NDUFB10: variants seen among roughly 807,000 people sequenced by gnomAD.
NDUFB10 encodes the protein NADH:ubiquinone oxidoreductase subunit B10, also known as NADH dehydrogenase [ubiquinone] 1 beta subcomplex subunit 10.
NDUFB10 carries 23 observed loss-of-function variants against 19.0 expected under a neutral mutation model. The ratio of observed to expected loss-of-function variants is 1.21; its 90% CI spans 0.87 to 1.71. NDUFB10 has a LOEUF of 1.71. NDUFB10 is among the 40% of genes most tolerant of loss of function. NDUFB10 has a pLI of 0.00. For synonymous variants in NDUFB10, 104 were observed against 81.8 expected (o/e 1.27, Z -1.46); for missense variants, 312 against 230.6 (o/e 1.35, Z -2.29).
chr16:1,961,242 G>A lies in NDUFB10; in HGVS notation c.220G>A (p.Glu74Lys), dbSNP rs911259998. ...RVPDITECKEEDIMCMYEAEM... is the reference protein window; with the variant it reads ...RVPDITECKEKDIMCMYEAEM... Reference sequence around the variant, plus strand: ...GCCAGACATCACTGAGTGCAAGGAGGAGGACATCATGTGCATGTATGAAGC... The same window carrying A: ...GCCAGACATCACTGAGTGCAAGGAGAAGGACATCATGTGCATGTATGAAGC... The change falls in exon 2 of 4, where the codon GAG (glutamate) becomes AAG (lysine). Residue 74 changes from glutamate to lysine, a missense_variant. By Grantham distance (56) the Glu-to-Lys change is moderately conservative. Transcript: ENST00000268668. 1 of 1,614,098 alleles carries A rather than the reference G, an allele frequency of 6.2e-7. No homozygotes were observed. Among genetic ancestry groups the A allele is most frequent in the Non-Finnish European group, 8.5e-7 (1 of 1,180,030 alleles).
At chr16:1,961,768 T>A in intron 3 of NDUFB10, 29 bp from the exon 4 acceptor site, 1 of 1,547,008 alleles carries the variant, frequency 6.5e-7, no homozygotes. Flanking sequence ...GAGGCCTCGG[T>A]TCCCAGCTTG....
rs1344403884 is a variant in NDUFB10, at chr16:1,961,183, G to A, written c.161G>A (p.Arg54Lys). The stretch of plus-strand genomic sequence containing the variant: ...ATAGAGCGGCAGCACGCAAAGAACA[G>A]GTATTACTACTACCACCGGCAGTAC... ...EFIERQHAKN[R>K]YYYYHRQYRR... The change falls in exon 2 of 4, where the codon AGG becomes AAG. Residue 54 changes from arginine (R) to lysine (K), a missense_variant. Physicochemically the swap from Arg to Lys is conservative, Grantham distance 26. Coordinates refer to ENST00000268668, the MANE Select transcript of NDUFB10 (RefSeq NM_004548.3). 6.2e-7 allele frequency: 1 copy of A among 1,614,018 alleles called. No homozygotes were observed. The highest frequency in any genetic ancestry group is 1.3e-5 in the African/African-American group (1 of 74,938).
chr16:1,960,532 T>C (rs1048432790), intron 1 of NDUFB10, among the ~76,000 whole-genome samples: 1 of 152,238 alleles, frequency 6.6e-6, no homozygotes, highest in African/African-American at 2.4e-5. Context: ...GGTTCAGTTC[T>C]TTTTGAACAC....
In NDUFB10 at chr16:1,959,556, C is replaced by T. The variant is rs1295652156; in HGVS notation, c.-69C>T. On this transcript the variant is annotated 5_prime_UTR_variant, in exon 1 of 4. Transcript: ENST00000268668. Reference sequence around the variant, plus strand: ...GTCCTCTGTAGCGGGCGACCTAGGCCGCGGGACCCGGACGGAGGTAGAGGC... The same window carrying T: ...GTCCTCTGTAGCGGGCGACCTAGGCTGCGGGACCCGGACGGAGGTAGAGGC... 1.1e-5 allele frequency: 17 copies of T among 1,516,826 alleles called. No individual in the cohort carries two copies. Among genetic ancestry groups the T allele is most frequent in the Non-Finnish European group, 1.4e-5 (16 of 1,128,702 alleles). The allele number at this position is 1,516,826 out of a possible 1,614,324, so 94.0% of individuals were successfully genotyped here. A position where few individuals can be genotyped will look rare whatever the true frequency, so the allele number is the denominator to read the frequency against.
intron 1 of NDUFB10, 120 bp downstream of exon 1, chr16:1,959,874 C>T (rs2150870184): frequency 1.5e-6 from 2 of 1,331,306 alleles, no homozygotes; most frequent in Middle Eastern, 2.0e-4. Context: ...CCCCGCTGCA[C>T]CCCGGGGACA....
At chr16:1,961,412 C>CA in intron 2 of NDUFB10, 85 bp from the exon 3 acceptor site, 4 of 1,594,724 alleles carry the variant, frequency 2.5e-6, no homozygotes, top group Non-Finnish European at 3.4e-6. Context: ...AGCCAGACCC[C>CA]AGGGCTCTTG....
At chr16:1,959,807 C>A in intron 1 of NDUFB10, 53 bp downstream of exon 1, 2 of 1,604,092 alleles carry the variant, frequency 1.2e-6, no homozygotes, top group Non-Finnish European at 8.5e-7. Context: ...ACCCCTGGAT[C>A]CCACACCCTG....
In NDUFB10 at chr16:1,959,774, G is replaced by C. The variant is rs1156261611; in HGVS notation, c.130+20G>C. 1 of 1,612,350 alleles carries C rather than the reference G, an allele frequency of 6.2e-7. No homozygotes were observed. The highest frequency in any genetic ancestry group is 1.1e-5 in the South Asian group (1 of 91,054). ...TGAGAGGTACGAAGCCCCAGCCCGG[G>C]GCTCCCTCGCCGGCCTCTGGGGACC... On this transcript the variant is annotated intron_variant, in intron 1 of 3. Transcript: ENST00000268668.
chr16:1,961,234 G>A lies in NDUFB10; in HGVS notation c.212G>A (p.Cys71Tyr). ...CGCCGCGTGCCAGACATCACTGAGT[G>A]CAAGGAGGAGGACATCATGTGCATG... ...QYRRVPDITE[C>Y]KEEDIMCMYE... Residue 71 changes from cysteine to tyrosine, a missense_variant, in exon 2 of 4, where the codon TGC (cysteine) becomes TAC (tyrosine). Physicochemically the swap from Cys to Tyr is radical, Grantham distance 194 (BLOSUM62 -2). Transcript: ENST00000268668. 1.2e-6 allele frequency: 2 copies of A among 1,614,112 alleles called. No individual in the cohort carries two copies. The highest frequency in any genetic ancestry group is 1.7e-6 in the Non-Finnish European group (2 of 1,180,028).
At chr16:1,961,715 C>G in intron 3 of NDUFB10, 79 bp downstream of exon 3, 1 of 1,534,594 alleles carries the variant, frequency 6.5e-7, no homozygotes, top group Non-Finnish European at 8.8e-7. Flanking sequence ...TCTTCCCTCC[C>G]CTCCCTTGTG....
chr16:1,961,535 G>T lies in NDUFB10; in HGVS notation c.308G>T (p.Arg103Leu), dbSNP rs370426632. 1.2e-5 allele frequency: 19 copies of T among 1,613,900 alleles called. No individual in the cohort carries two copies. Among genetic ancestry groups the T allele is most frequent in the Non-Finnish European group, 1.6e-5 (19 of 1,180,018 alleles). The change falls in exon 3 of 4, where the codon CGG (arginine) becomes CTG (leucine). Residue 103 changes from arginine to leucine, a missense_variant. Arg to Leu is a moderately radical substitution (Grantham distance 102). Transcript: ENST00000268668. ...GAAATTATCAACATTATGCAGGATC[G>T]GCTCAAAGCCTGTCAGCAGAGGGAA... The part of the protein sequence containing the change: ...DQEIINIMQD[R>L]LKACQQREGQ...
intron 1 of NDUFB10, among the ~76,000 whole-genome samples, chr16:1,960,254 C>T (rs1442960371): frequency 6.6e-6 from 1 of 151,114 alleles, no homozygotes; most frequent in Non-Finnish European, 1.5e-5. Context: ...CAGTCTCACT[C>T]TGTTGCCCAG....
chr16:1,960,914 G>T (rs909910058), intron 1 of NDUFB10, among the ~76,000 whole-genome samples: 2 of 152,226 alleles, frequency 1.3e-5, no homozygotes, highest in African/African-American at 4.8e-5. Context: ...GTAAGGTAAT[G>T]CATGTGGAAC....
rs2083255956 is a variant in NDUFB10, at chr16:1,961,651, C to CACCCCCAACCCCCCACCA, written c.409+16_409+33dup. 3.9e-6 allele frequency: 6 copies of CACCCCCAACCCCCCACCA among 1,549,824 alleles called. No individual in the cohort carries two copies. Among genetic ancestry groups the CACCCCCAACCCCCCACCA allele is most frequent in the Non-Finnish European group, 5.2e-6 (6 of 1,146,658 alleles). On this transcript the variant is annotated intron_variant, in intron 3 of 3. Coordinates refer to ENST00000268668, the MANE Select transcript of NDUFB10 (RefSeq NM_004548.3). ...CCAGGACCGCTGTGCGTGCCCCACCCACCCCCAACCCCCCACCATCCTCCT... is the reference window on the plus strand; with the variant it reads ...CCAGGACCGCTGTGCGTGCCCCACCCACCCCCAACCCCCCACCAACCCCCAACCCCCCACCATCCTCCT...
intron 1 of NDUFB10, among the ~76,000 whole-genome samples, chr16:1,960,750 TG>T (rs2083248538): frequency 6.6e-6 from 1 of 152,110 alleles, no homozygotes; most frequent in Non-Finnish European, 1.5e-5. Context: ...GGCCGTAAGG[TG>T]GTAAGTTCTG....
intron 1 of NDUFB10, among the ~76,000 whole-genome samples, chr16:1,960,496 C>T (rs2083246479): frequency 6.6e-6 from 1 of 152,226 alleles, no homozygotes; most frequent in Admixed American, 6.5e-5. Context: ...GCTGGGATTA[C>T]AGGCCTGAGC....
chr16:1,959,629 C>G lies in NDUFB10; in HGVS notation c.5C>G (p.Pro2Arg), dbSNP rs765628078. Residue 2 changes from proline (P) to arginine (R), a missense_variant, in exon 1 of 4, where the codon CCG becomes CGG. Physicochemically the swap from Pro to Arg is moderately radical, Grantham distance 103. Transcript: ENST00000268668. ...GAGTCCGCGCCCGCCGCCGCCATGC[C>G]GGACAGCTGGGACAAGGATGTGTAC... MPDSWDKDVYPE... is the reference protein window; with the variant it reads MRDSWDKDVYPE... The G allele has an allele frequency of 9.9e-6, 16 of 1,609,366 alleles. No individual in the cohort carries two copies. Among genetic ancestry groups the G allele is most frequent in the African/African-American group, 4.0e-5 (3 of 74,878 alleles).
chr16:1,960,530 T>C (rs1402213908), intron 1 of NDUFB10, among the ~76,000 whole-genome samples: 1 of 152,220 alleles, frequency 6.6e-6, no homozygotes, highest in South Asian at 2.1e-4. Context: ...CTGGTTCAGT[T>C]CTTTTTGAAC....
In NDUFB10 at chr16:1,961,308, G is replaced by A; in HGVS notation, c.269+17G>A. The A allele has an allele frequency of 6.2e-7, 1 of 1,613,826 alleles. No individual in the cohort carries two copies. ...GAGGGACTAGTACGTGAGCCATGCTGGGAGTGTGGAGATCTGCACCGTGTG... is the reference window on the plus strand; with the variant it reads ...GAGGGACTAGTACGTGAGCCATGCTAGGAGTGTGGAGATCTGCACCGTGTG... On this transcript the variant is annotated intron_variant, in intron 2 of 3. Transcript: ENST00000268668.
Sources: gnomAD v4.1 joint callset for allele counts (sites outside exome capture counted in the v4.1 genomes callset) on GRCh38, gnomAD v4.1.1 for gene constraint, MANE v1.5 for transcripts, NCBI Gene and HGNC (gene_info 2026-07-23, HGNC 2026-07-21) for gene names.